FNIP1: variants seen among roughly 807,000 people sequenced by gnomAD.
FNIP1 encodes the protein folliculin interacting protein 1.
In FNIP1, 40 loss-of-function variants were observed where a neutral mutation model predicts 124.5. The observed-to-expected ratio is 0.32, with a 90% CI of 0.25 to 0.42. The LOEUF (loss-of-function observed/expected upper bound fraction) is 0.42. Ranked by LOEUF, FNIP1 falls within the 10% of genes least tolerant of loss-of-function variation. The probability of loss-of-function intolerance (pLI) is 1.00; values close to 1 mark genes in which losing one functional copy is unlikely to be tolerated. For synonymous variants in FNIP1, 472 were observed against 470.6 expected, an observed-to-expected ratio of 1.00 and a Z score of -0.04; for missense variants, 1,176 against 1,403.7, an observed-to-expected ratio of 0.84 and a Z score of 2.59.
intron 2 of FNIP1, among the ~76,000 whole-genome samples, chr5:131,740,073 CAT>C (rs1472124005): frequency 6.6e-6 from 1 of 152,216 alleles, no homozygotes; most frequent in African/African-American, 2.4e-5. Context: ...AACTTTATAA[CAT>C]TGACTACTGC....
Position 131,706,394 on chromosome 5 carries a change from T to G in FNIP1, c.914+17A>C. ...GGAACTACTCAATCTTGTTCTGTGT[T>G]TAAAGTTCCAACTTACCATCTAGGA... is the stretch of plus-strand genomic sequence containing the variant. On this transcript the variant is annotated intron_variant, in intron 9 of 17. Coordinates refer to ENST00000510461, the MANE Select transcript of FNIP1 (RefSeq NM_133372.3). 6.2e-7 allele frequency: 1 copy of G among 1,602,728 alleles called. No individual in the cohort carries two copies. Among genetic ancestry groups the G allele is most frequent in the Non-Finnish European group, 8.5e-7 (1 of 1,174,522 alleles).
intron 11 of FNIP1, among the ~76,000 whole-genome samples, chr5:131,693,321 TATATATATATAC>T (rs1768560120): frequency 2.3e-4 from 21 of 91,996 alleles, no homozygotes; most frequent in Admixed American, 2.7e-4. Context: ...TATATACACA[TATATATATATAC>T]ATATATATAT....
At chr5:131,713,162 C>T (rs1769355421) in intron 6 of FNIP1, among the ~76,000 whole-genome samples, 1 of 152,148 alleles carries the variant, frequency 6.6e-6, no homozygotes, top group Non-Finnish European at 1.5e-5. Flanking sequence ...TATTCTCCTG[C>T]CTCAGCCTGT....
At chr5:131,684,792 GA>G (rs1477459894) in intron 11 of FNIP1, among the ~76,000 whole-genome samples, 1 of 152,144 alleles carries the variant, frequency 6.6e-6, no homozygotes, top group African/African-American at 2.4e-5. Flanking sequence ...TGTTTCCTCA[GA>G]GCCCAAGCAG....
At chr5:131,742,456 C>T (rs1770544347) in intron 2 of FNIP1, among the ~76,000 whole-genome samples, 1 of 152,164 alleles carries the variant, frequency 6.6e-6, no homozygotes, top group Non-Finnish European at 1.5e-5. Context: ...GAGCGAGACC[C>T]TGTCTCAAGA....
intron 2 of FNIP1, among the ~76,000 whole-genome samples, chr5:131,742,824 T>A (rs1417441462): frequency 6.6e-6 from 1 of 152,220 alleles, no homozygotes; most frequent in Non-Finnish European, 1.5e-5. Context: ...CAATGAGTAT[T>A]TCAATATGTA....
At chr5:131,649,818 G>A (rs964730214) in intron 16 of FNIP1, among the ~76,000 whole-genome samples, 9 of 152,030 alleles carry the variant, frequency 5.9e-5, no homozygotes, top group African/African-American at 1.2e-4. Flanking sequence ...ATTTCTGTAC[G>A]TGGCATAATT....
At chr5:131,675,740 GGGA>G (rs199748049) in intron 13 of FNIP1, among the ~76,000 whole-genome samples, 1 of 152,098 alleles carries the variant, frequency 6.6e-6, no homozygotes, top group Non-Finnish European at 1.5e-5. Flanking sequence ...GAAGGAGATG[GGGA>G]GGAGGAGGAG....
At chr5:131,655,927 C>T (rs1412833364) in intron 15 of FNIP1, among the ~76,000 whole-genome samples, 2 of 142,542 alleles carry the variant, frequency 1.4e-5, no homozygotes, top group Non-Finnish European at 3.1e-5. Context: ...CAAAAAACAA[C>T]AAAACAAAAC....
chr5:131,673,903 G>A lies in FNIP1; in HGVS notation c.1520-979C>T, dbSNP rs541507036. The stretch of plus-strand genomic sequence containing the variant: ...ATACAAAAACTAGCCAGGTGGTGTC[G>A]TGGGCACCTGTAGTCCCAGCTACTT... On this transcript the variant is annotated intron_variant, in intron 13 of 17. Transcript: ENST00000510461. 3.9e-5 allele frequency among the ~76,000 whole-genome samples: 6 copies of A among 152,160 alleles called. No homozygotes were observed. In the South Asian group the frequency reaches 8.3e-4, roughly 21 times the overall value.
intron 11 of FNIP1, among the ~76,000 whole-genome samples, chr5:131,697,968 CAA>C (rs753487190): frequency 9.6e-3 from 562 of 58,738 alleles, no homozygotes; most frequent in African/African-American, 0.023. Context: ...GACTCCACCT[CAA>C]AAAAAAAAAA....
chr5:131,670,310 A>G (rs575225007), intron 15 of FNIP1, among the ~76,000 whole-genome samples, 153 bp downstream of exon 15: 1 of 152,336 alleles, frequency 6.6e-6, no homozygotes, highest in African/African-American at 2.4e-5. Flanking sequence ...ACAGTGACAG[A>G]TACAAAGATA....
chr5:131,690,077 G>T (rs1768424281), intron 11 of FNIP1, among the ~76,000 whole-genome samples: 1 of 151,966 alleles, frequency 6.6e-6, no homozygotes, highest in African/African-American at 2.4e-5. Context: ...AAAAAAATTA[G>T]CCGGGCATGG....
At chr5:131,728,358 T>C (rs1037272613) in intron 3 of FNIP1, among the ~76,000 whole-genome samples, 1 of 152,188 alleles carries the variant, frequency 6.6e-6, no homozygotes, top group Non-Finnish European at 1.5e-5. Context: ...CCATATTTCT[T>C]GGAGGCTTTG....
At chr5:131,709,340 T>TA in intron 7 of FNIP1, 68 bp from the exon 8 acceptor site, 1 of 1,349,166 alleles carries the variant, frequency 7.4e-7, no homozygotes, top group Admixed American at 1.7e-5. Context: ...CAGCTCCTTT[T>TA]AAATAGCAAA....
intron 13 of FNIP1, 86 bp from the exon 14 acceptor site, chr5:131,673,010 T>C (rs2149515454): frequency 6.0e-6 from 6 of 1,000,228 alleles, no homozygotes; most frequent in Non-Finnish European, 7.2e-6. Context: ...ACCTACTTCT[T>C]TTACTGTATG....
At chr5:131,719,859 G>T (rs1769598967) in intron 3 of FNIP1, among the ~76,000 whole-genome samples, 1 of 152,178 alleles carries the variant, frequency 6.6e-6, no homozygotes, top group Non-Finnish European at 1.5e-5. Context: ...TATATAAGAA[G>T]CATCCATAAA....
chr5:131,669,024 G>A (rs1163857156), intron 15 of FNIP1, among the ~76,000 whole-genome samples: 2 of 152,126 alleles, frequency 1.3e-5, no homozygotes, highest in African/African-American at 4.8e-5. Context: ...CAAAAGAGGG[G>A]ACATCACTAG....
intron 15 of FNIP1, among the ~76,000 whole-genome samples, chr5:131,665,780 G>A (rs186059688): frequency 6.6e-6 from 1 of 151,586 alleles, no homozygotes; most frequent in African/African-American, 2.4e-5. Flanking sequence ...TAGCAGAGAC[G>A]GGGTTTCACT....
Sources: gnomAD v4.1 joint callset for allele counts (sites outside exome capture counted in the v4.1 genomes callset) on GRCh38, gnomAD v4.1.1 for gene constraint, MANE v1.5 for transcripts, NCBI Gene and HGNC (gene_info 2026-07-23, HGNC 2026-07-21) for gene names.